The following DCP1A variants were observed in gnomAD, a reference collection of about 807,000 sequenced individuals.
DCP1A encodes mRNA-decapping enzyme 1A.
Under a neutral mutation model 58.0 loss-of-function variants are expected in DCP1A, and 20 were observed. The ratio of observed to expected loss-of-function variants is 0.34; its 90% CI spans 0.24 to 0.50. The LOEUF is 0.50. Ranked by LOEUF, DCP1A falls within the 20% of genes least tolerant of loss-of-function variation. DCP1A has a pLI of 0.98. For missense variants in DCP1A, 613 were observed against 712.2 expected (o/e 0.86, Z 1.59); for synonymous variants, 285 against 275.1 (o/e 1.04, Z -0.36).
chr3:53,318,346 GA>G (rs1553689488), intron 4 of DCP1A, among the ~76,000 whole-genome samples: 1 of 152,058 alleles, frequency 6.6e-6, no homozygotes, highest in Non-Finnish European at 1.5e-5. Context: ...AATAAAATAA[GA>G]TTAGACTGTT....
At chr3:53,295,915 C>T (rs1707108108) in intron 6 of DCP1A, among the ~76,000 whole-genome samples, 1 of 141,486 alleles carries the variant, frequency 7.1e-6, no homozygotes, top group South Asian at 2.2e-4. Flanking sequence ...TTTTTTGAGA[C>T]ACAGTCTAGC....
At chr3:53,338,721 C>T (rs1553692226) in intron 3 of DCP1A, among the ~76,000 whole-genome samples, 1 of 151,264 alleles carries the variant, frequency 6.6e-6, no homozygotes, top group South Asian at 2.1e-4. Flanking sequence ...ATTAGCCGGG[C>T]GTGGTGGTGG....
At chr3:53,327,306 G>T (rs1157390043) in intron 3 of DCP1A, among the ~76,000 whole-genome samples, 2 of 152,212 alleles carry the variant, frequency 1.3e-5, no homozygotes, top group African/African-American at 4.8e-5. Flanking sequence ...AGGGTGTGGT[G>T]AGATCAGTGA....
In DCP1A at chr3:53,344,928, T is replaced by C; in HGVS notation, c.150A>G (p.Ile50Met). The change falls in exon 2 of 10, where the codon ATA becomes ATG. Residue 50 changes from isoleucine (I) to methionine (M), a missense_variant. Around this residue, in one of 3 missense-constraint regions of DCP1A, gnomAD observed 65 missense variants for 118.5 expected, o/e 0.55. Transcript: ENST00000610213. ...PKANQWEKTD[I>M]EGTLFVYRRS... ...TTCGATATACGAATAAGGTCCCTTCTATATCAGTCTTCTCCTATGAAAGAC... is the reference window on the plus strand; with the variant it reads ...TTCGATATACGAATAAGGTCCCTTCCATATCAGTCTTCTCCTATGAAAGAC... The C allele has an allele frequency of 6.2e-7, 1 of 1,605,618 alleles. No individual in the cohort carries two copies. The highest frequency in any genetic ancestry group is 8.5e-7 in the Non-Finnish European group (1 of 1,175,884).
chr3:53,300,291 T>C (rs781968006), intron 6 of DCP1A, among the ~76,000 whole-genome samples: 3 of 151,906 alleles, frequency 2.0e-5, no homozygotes, highest in Non-Finnish European at 2.9e-5. Flanking sequence ...TTAGCATCTA[T>C]GGCTTGTCAC....
chr3:53,347,310 A>C, intron 1 of DCP1A, 73 bp downstream of exon 1: 59 of 1,348,960 alleles, frequency 4.4e-5, no homozygotes, highest in South Asian at 4.6e-5. Flanking sequence ...CCCCCACCCC[A>C]CAGTAACCCG....
At chr3:53,296,199 A>C (rs1707121889) in intron 6 of DCP1A, among the ~76,000 whole-genome samples, 1 of 152,180 alleles carries the variant, frequency 6.6e-6, no homozygotes, top group East Asian at 1.9e-4. Context: ...CCGGCCCACC[A>C]TGTGGTCTTA....
rs782236262 is a variant in DCP1A at position 53,304,278 on chromosome 3, C to T, written c.523G>A (p.Asp175Asn). 4 of 1,611,318 alleles carry T rather than the reference C, an allele frequency of 2.5e-6. No homozygotes were observed. The highest frequency in any genetic ancestry group is 3.4e-6 in the Non-Finnish European group (4 of 1,178,842). Residue 175 changes from aspartate (D) to asparagine (N), a missense_variant, in exon 6 of 10, where the codon GAC becomes AAC. Physicochemically the swap from Asp to Asn is conservative, Grantham distance 23 (BLOSUM62 1). Around this residue, in one of 3 missense-constraint regions of DCP1A, gnomAD observed 498 missense variants for 556.7 expected, o/e 0.89. Coordinates refer to ENST00000610213, the MANE Select transcript of DCP1A (RefSeq NM_018403.7). The stretch of plus-strand genomic sequence containing the variant: ...AACCCAGGGCTGGAGATATTTGAGT[C>T]ACCCATCTGATTCTTTAAAAAGTTA... Reference protein sequence around the residue: ...KDEYERNQMGDSNISSPGLQP... With the variant: ...KDEYERNQMGNSNISSPGLQP...
At chr3:53,314,790 G>C (rs1553689045) in intron 4 of DCP1A, among the ~76,000 whole-genome samples, 1 of 148,064 alleles carries the variant, frequency 6.8e-6, no homozygotes, top group African/African-American at 2.5e-5. Flanking sequence ...TCGTGCCTCA[G>C]CCTCCCTAGT....
intron 8 of DCP1A, 148 bp downstream of exon 8, chr3:53,290,643 T>G (rs1706823737): frequency 7.2e-6 from 5 of 699,110 alleles, no homozygotes; most frequent in South Asian, 3.3e-5. Context: ...GAGTCCTGGC[T>G]GGTCCAAAGG....
intron 6 of DCP1A, among the ~76,000 whole-genome samples, chr3:53,302,915 A>T (rs1553687563): frequency 1.0e-4 from 15 of 150,718 alleles, no homozygotes. Flanking sequence ...GAGCCACTGC[A>T]CCTGGGAGTT....
At chr3:53,331,778 T>A (rs1553691306) in intron 3 of DCP1A, among the ~76,000 whole-genome samples, 1 of 152,166 alleles carries the variant, frequency 6.6e-6, no homozygotes, top group African/African-American at 2.4e-5. Flanking sequence ...GGTAAGCACA[T>A]AGATATTAAA....
intron 3 of DCP1A, 143 bp downstream of exon 3, chr3:53,342,001 A>G: frequency 1.4e-6 from 1 of 730,762 alleles, no homozygotes; most frequent in Non-Finnish European, 2.1e-6. Flanking sequence ...AAAAGGTTTG[A>G]TCTTTCCAAC....
chr3:53,325,780 G>T (rs1708088925), intron 3 of DCP1A, among the ~76,000 whole-genome samples: 1 of 152,088 alleles, frequency 6.6e-6, no homozygotes, highest in South Asian at 2.1e-4. Flanking sequence ...AGGATAGAGG[G>T]GCAGAAAACA....
intron 4 of DCP1A, among the ~76,000 whole-genome samples, chr3:53,315,534 C>CAAAAAA (rs1211486616): frequency 1.5e-5 from 1 of 65,000 alleles, no homozygotes; most frequent in South Asian, 7.6e-4. Context: ...GACTCTGTCT[C>CAAAAAA]AAAAAAAAAA....
chr3:53,296,910 T>A (rs1334722772), intron 6 of DCP1A, among the ~76,000 whole-genome samples: 1 of 152,238 alleles, frequency 6.6e-6, no homozygotes, highest in African/African-American at 2.4e-5. Flanking sequence ...AGGAGCAGAA[T>A]TGCTGGGTCA....
At chr3:53,323,104 G>A (rs1459930745) in intron 3 of DCP1A, among the ~76,000 whole-genome samples, 2 of 152,094 alleles carry the variant, frequency 1.3e-5, no homozygotes, top group South Asian at 2.1e-4. Context: ...GATTACAGGC[G>A]TGAGCCACCG....
At chr3:53,347,341 G>A (rs782118493) in intron 1 of DCP1A, 42 bp downstream of exon 1, 44 of 1,505,122 alleles carry the variant, frequency 2.9e-5, no homozygotes, top group Non-Finnish European at 3.9e-5. Flanking sequence ...TTAAGAGACG[G>A]CAGCGGCCGG....
chr3:53,301,853 C>A (rs981195375), intron 6 of DCP1A, among the ~76,000 whole-genome samples: 1 of 152,156 alleles, frequency 6.6e-6, no homozygotes, highest in African/African-American at 2.4e-5. Context: ...AAGACAATCT[C>A]AAGAGGTTAT....
Sources: gnomAD v4.1 joint callset for allele counts (sites outside exome capture counted in the v4.1 genomes callset) on GRCh38, gnomAD v4.1.1 for gene constraint, gnomAD v4.1.1 regional missense constraint, MANE v1.5 for transcripts, NCBI Gene and HGNC (gene_info 2026-07-23, HGNC 2026-07-21) for gene names.